KCNAB1: variants seen among roughly 807,000 people sequenced by gnomAD.
The protein encoded by KCNAB1 is potassium voltage-gated channel subfamily A regulatory beta subunit 1.
A neutral mutation model predicts 64.6 loss-of-function variants in KCNAB1; 35 were observed. The observed-to-expected ratio is 0.54, with a 90% CI of 0.41 to 0.72. KCNAB1 has a LOEUF of 0.72. KCNAB1 is among the 30% of genes least tolerant of loss of function. The pLI, the probability that KCNAB1 is intolerant of heterozygous loss-of-function variation, is 0.00. For synonymous variants in KCNAB1, 177 were observed against 183.8 expected (o/e 0.96, Z 0.30); for missense variants, 401 against 512.9 (o/e 0.78, Z 2.11).
chr3:156,392,430 T>C (rs1037551745), intron 1 of KCNAB1, among the ~76,000 whole-genome samples: 1 of 152,232 alleles, frequency 6.6e-6, no homozygotes, highest in African/African-American at 2.4e-5. Context: ...AACTCTCTCC[T>C]ATTTCTGGGC....
At chr3:156,136,537 G>T (rs559969373) in intron 1 of KCNAB1, among the ~76,000 whole-genome samples, 1 of 152,310 alleles carries the variant, frequency 6.6e-6, no homozygotes, top group East Asian at 1.9e-4. Context: ...TTAACAGCAT[G>T]AGACCACAAT....
chr3:156,126,561 G>A (rs1488217968), intron 1 of KCNAB1, among the ~76,000 whole-genome samples: 1 of 152,202 alleles, frequency 6.6e-6, no homozygotes, highest in Non-Finnish European at 1.5e-5. Flanking sequence ...GCAAAGTGAA[G>A]TGTAGCTGGG....
chr3:156,400,385 T>G (rs1192958658), intron 1 of KCNAB1, among the ~76,000 whole-genome samples: 1 of 152,188 alleles, frequency 6.6e-6, no homozygotes, highest in African/African-American at 2.4e-5. Context: ...ACTCTGATAC[T>G]TTTTTCTTTA....
At chr3:156,378,168 G>A (rs1576792664) in intron 1 of KCNAB1, among the ~76,000 whole-genome samples, 1 of 152,130 alleles carries the variant, frequency 6.6e-6, no homozygotes, top group Non-Finnish European at 1.5e-5. Context: ...AAGTAAAGAC[G>A]AGAAACTCAG....
chr3:156,213,507 C>T (rs1288746540), intron 1 of KCNAB1, among the ~76,000 whole-genome samples: 3 of 152,198 alleles, frequency 2.0e-5, no homozygotes, highest in African/African-American at 4.8e-5. Flanking sequence ...AGCCACCTTG[C>T]TCAGCCTTTT....
intron 1 of KCNAB1, among the ~76,000 whole-genome samples, chr3:156,141,624 G>T (rs547595985): frequency 6.6e-6 from 1 of 151,964 alleles, no homozygotes; most frequent in Non-Finnish European, 1.5e-5. Flanking sequence ...TTGCTGAGTG[G>T]TATTTCGTAG....
At chr3:156,238,802 A>G (rs1213290443) in intron 1 of KCNAB1, among the ~76,000 whole-genome samples, 1 of 152,214 alleles carries the variant, frequency 6.6e-6, no homozygotes, top group African/African-American at 2.4e-5. Context: ...AAAATGAACA[A>G]TATGTTGAGA....
At chr3:156,238,703 T>A (rs1716998163) in intron 1 of KCNAB1, among the ~76,000 whole-genome samples, 1 of 152,152 alleles carries the variant, frequency 6.6e-6, no homozygotes, top group African/African-American at 2.4e-5. Context: ...GACTCTAGAA[T>A]AACATGAGTA....
chr3:156,415,111 G>T lies in KCNAB1; in HGVS notation c.276-6505G>T, dbSNP rs554589155. Among the ~76,000 whole-genome samples the T allele has an allele frequency of 2.6e-5, 4 of 152,260 alleles. No homozygotes were observed. The South Asian group carries it at 8.3e-4, about 32-fold the overall frequency. ...GTCTAAGCACAAATTTATCTAGGCT[G>T]GAAGATCATTAGGGCAACTGAGAGG... On this transcript the variant is annotated intron_variant, in intron 1 of 13. Coordinates refer to ENST00000490337, the MANE Select transcript of KCNAB1 (RefSeq NM_172160.3).
chr3:156,270,171 C>T lies in KCNAB1; in HGVS notation c.275+149285C>T, dbSNP rs557781072. ...GACCTCGTGATCTGTCCGCCTCGGC[C>T]TCCCAAAGTGCTGGGATTACAGGCG... On this transcript the variant is annotated intron_variant, in intron 1 of 13. Transcript: ENST00000490337. Among the ~76,000 whole-genome samples, 420 of 152,252 alleles carry T rather than the reference C, an allele frequency of 2.8e-3. 1 individual carries two copies. Among genetic ancestry groups the T allele is most frequent in the African/African-American group, 9.7e-3 (404 of 41,548 alleles).
At chr3:156,491,470 A>T (rs1280621184) in intron 8 of KCNAB1, among the ~76,000 whole-genome samples, 1 of 152,186 alleles carries the variant, frequency 6.6e-6, no homozygotes, top group Non-Finnish European at 1.5e-5. Flanking sequence ...ATGAAAGGTA[A>T]CATGAAAATA....
At chr3:156,524,221 G>C (rs1400584866) in intron 12 of KCNAB1, 2 of 296,198 alleles carry the variant, frequency 6.8e-6, no homozygotes, top group African/African-American at 4.4e-5. Flanking sequence ...CAGATGTCAG[G>C]GGTGAACTGT....
At chr3:156,484,249 G>A (rs1715040086) in intron 8 of KCNAB1, among the ~76,000 whole-genome samples, 2 of 152,098 alleles carry the variant, frequency 1.3e-5, no homozygotes. Context: ...AACAAGGTGG[G>A]CCAAATGTTT....
At position 156,406,717 on chromosome 3, in the gene KCNAB1, A is replaced by T. The variant is rs964886845; in HGVS notation, c.276-14899A>T. Among the ~76,000 whole-genome samples, 15 of 152,148 alleles carry T rather than the reference A, an allele frequency of 9.9e-5. 1 individual carries two copies. ...CTGACTTTCCTCAGAGCAGAATTTG[A>T]TGAAGAGAAAAGAGATAGAACCTGA... On this transcript the variant is annotated intron_variant, in intron 1 of 13. Transcript: ENST00000490337.
intron 11 of KCNAB1, among the ~76,000 whole-genome samples, chr3:156,519,984 A>C (rs1576969337): frequency 6.6e-6 from 1 of 152,282 alleles, no homozygotes; most frequent in South Asian, 2.1e-4. Flanking sequence ...GAAGGCAGTA[A>C]AGACATAGCT....
chr3:156,509,434 T>G (rs1441926492), intron 8 of KCNAB1, among the ~76,000 whole-genome samples: 1 of 152,160 alleles, frequency 6.6e-6, no homozygotes, highest in Non-Finnish European at 1.5e-5. Context: ...CTGAGACCAT[T>G]GGTGTAGACA....
At chr3:156,503,170 T>C (rs1352039913) in intron 8 of KCNAB1, among the ~76,000 whole-genome samples, 4 of 152,172 alleles carry the variant, frequency 2.6e-5, no homozygotes, top group African/African-American at 7.2e-5. Context: ...CAGGTTTTAG[T>C]AGAAAACGGT....
At chr3:156,219,372 A>G (rs1239445494) in intron 1 of KCNAB1, among the ~76,000 whole-genome samples, 1 of 152,058 alleles carries the variant, frequency 6.6e-6, no homozygotes, top group Non-Finnish European at 1.5e-5. Context: ...TCAGAGCTTG[A>G]AGACTAGGTT....
At chr3:156,142,505 G>C (rs548441262) in intron 1 of KCNAB1, among the ~76,000 whole-genome samples, 5 of 152,198 alleles carry the variant, frequency 3.3e-5, no homozygotes, top group Admixed American at 6.5e-5. Context: ...TGGATATCCA[G>C]TTGCTCCAGC....
Sources: allele counts gnomAD v4.1 joint callset (sites outside exome capture counted in the v4.1 genomes callset), GRCh38; gene constraint gnomAD v4.1.1; transcripts MANE v1.5; gene names NCBI Gene and HGNC (gene_info 2026-07-23, HGNC 2026-07-21).